ARHGAP15: variants seen among roughly 807,000 people sequenced by gnomAD.
ARHGAP15 encodes rho GTPase-activating protein 15.
ARHGAP15 carries 51 observed loss-of-function variants against 63.7 expected under a neutral mutation model. The ratio of observed to expected loss-of-function variants is 0.80; its 90% CI spans 0.64 to 1.01. The LOEUF (loss-of-function observed/expected upper bound fraction) is 1.01, where lower values mean the gene tolerates loss of function less well. Among genes scored for constraint, ARHGAP15 ranks in the 50% least tolerant of loss-of-function variants. The probability of loss-of-function intolerance (pLI) is 0.00; values close to 1 mark genes in which losing one functional copy is unlikely to be tolerated. For synonymous variants in ARHGAP15, 191 were observed against 193.8 expected (o/e 0.99, Z 0.12); for missense variants, 560 against 564.6 (o/e 0.99, Z 0.08).
chr2:143,374,113 A>G (rs1323353535), intron 6 of ARHGAP15, among the ~76,000 whole-genome samples: 1 of 152,228 alleles, frequency 6.6e-6, no homozygotes, highest in Non-Finnish European at 1.5e-5. Flanking sequence ...TTCTCAAAGA[A>G]TTGGCAAAGG....
At chr2:143,529,884 A>G (rs1457626428) in intron 10 of ARHGAP15, among the ~76,000 whole-genome samples, 1 of 152,114 alleles carries the variant, frequency 6.6e-6, no homozygotes, top group African/African-American at 2.4e-5. Context: ...CTGGAACTAC[A>G]ATGGCTTGTT....
chr2:143,365,269 A>G (rs1686247021), intron 6 of ARHGAP15, among the ~76,000 whole-genome samples: 1 of 152,100 alleles, frequency 6.6e-6, no homozygotes, highest in Non-Finnish European at 1.5e-5. Context: ...CTCCAGTCCT[A>G]AGGAGTAAAA....
chr2:143,148,594 A>G (rs542708104), intron 1 of ARHGAP15, among the ~76,000 whole-genome samples: 1 of 152,206 alleles, frequency 6.6e-6, no homozygotes, highest in African/African-American at 2.4e-5. Flanking sequence ...CAGACTTGTC[A>G]GACTTTGTCA....
At chr2:143,280,125 A>T (rs1313328935) in intron 6 of ARHGAP15, among the ~76,000 whole-genome samples, 2 of 152,214 alleles carry the variant, frequency 1.3e-5, no homozygotes, top group Non-Finnish European at 2.9e-5. Flanking sequence ...GCAAAAGCAT[A>T]GCTATATGAT....
chr2:143,229,821 A>G (rs1254305020), intron 5 of ARHGAP15, among the ~76,000 whole-genome samples: 1 of 152,256 alleles, frequency 6.6e-6, no homozygotes, highest in African/African-American at 2.4e-5. Context: ...TAGTAAGAAC[A>G]AAAGGTAGCA....
chr2:143,696,203 C>T (rs1683838307), intron 12 of ARHGAP15, among the ~76,000 whole-genome samples: 1 of 152,010 alleles, frequency 6.6e-6, no homozygotes, highest in Admixed American at 6.6e-5. Flanking sequence ...ACTTCACTGA[C>T]ACCTACATAA....
chr2:143,487,461 C>T lies in ARHGAP15; in HGVS notation c.792C>T (p.Ser264=), dbSNP rs1692378489. 6.2e-7 allele frequency: 1 copy of T among 1,612,988 alleles called. No homozygotes were observed. The highest frequency in any genetic ancestry group is 1.3e-5 in the African/African-American group (1 of 74,804). ...AGAAGTTTATTACCCGAAGACCTTC[C>T]CTGAAAACTCTGCAAGAAAAAGGAC... The part of the protein sequence containing the change: ...RLKKFITRRP[S]LKTLQEKGLI... The change falls in exon 9 of 14, where the codon TCC becomes TCT. Residue 264 remains serine, a synonymous_variant. Coordinates refer to ENST00000295095, the MANE Select transcript of ARHGAP15 (RefSeq NM_018460.4).
intron 9 of ARHGAP15, among the ~76,000 whole-genome samples, chr2:143,514,867 A>C (rs1175115266): frequency 1.3e-5 from 2 of 152,192 alleles, no homozygotes; most frequent in African/African-American, 4.8e-5. Flanking sequence ...GATGAGTAGA[A>C]ATCTGCAATG....
intron 8 of ARHGAP15, among the ~76,000 whole-genome samples, chr2:143,471,198 ATATATGT>A (rs1691545685): frequency 7.1e-6 from 1 of 141,832 alleles, no homozygotes; most frequent in Non-Finnish European, 1.6e-5. Flanking sequence ...ATATACACAC[ATATATGT>A]GTGTATATAT....
intron 2 of ARHGAP15, among the ~76,000 whole-genome samples, chr2:143,182,104 CA>C (rs1020162961): frequency 5.9e-5 from 9 of 151,964 alleles, no homozygotes; most frequent in African/African-American, 2.2e-4. Flanking sequence ...TCTGGGATTA[CA>C]GGTACTCAGC....
intron 2 of ARHGAP15, among the ~76,000 whole-genome samples, chr2:143,188,677 A>G (rs1479768921): frequency 1.3e-5 from 2 of 150,848 alleles, no homozygotes; most frequent in Non-Finnish European, 3.0e-5. Context: ...CTAGAGTGCA[A>G]TGGTATGATC....
chr2:143,335,274 C>A (rs1419860616), intron 6 of ARHGAP15, among the ~76,000 whole-genome samples: 1 of 152,166 alleles, frequency 6.6e-6, no homozygotes, highest in Admixed American at 6.5e-5. Context: ...TCACTTTCCT[C>A]CTTCAACTTT....
chr2:143,518,040 T>C (rs187128819), intron 9 of ARHGAP15, among the ~76,000 whole-genome samples: 1 of 152,200 alleles, frequency 6.6e-6, no homozygotes, highest in Admixed American at 6.5e-5. Flanking sequence ...AAATATTTGT[T>C]TCATTATCAG....
Position 143,215,258 on chromosome 2 carries a change from A to G in ARHGAP15, c.235-1126A>G, listed in dbSNP as rs1468577952. On this transcript the variant is annotated intron_variant, in intron 3 of 13. Coordinates refer to ENST00000295095, the MANE Select transcript of ARHGAP15 (RefSeq NM_018460.4). ...AAGACCCTCTAATAAAAAGACGTGC[A>G]CATTAAAATTTGGTTTTCTTCTTAT... 2.0e-5 allele frequency among the ~76,000 whole-genome samples: 3 copies of G among 151,190 alleles called. No individual in the cohort carries two copies. The East Asian group carries it at 5.8e-4, about 29-fold the overall frequency.
chr2:143,216,482 G>T (rs1262865232), intron 4 of ARHGAP15, 37 bp downstream of exon 4: 2 of 1,460,322 alleles, frequency 1.4e-6, no homozygotes, highest in East Asian at 2.3e-5. Flanking sequence ...ATATAACTAT[G>T]CTGGTTCTTC....
intron 10 of ARHGAP15, among the ~76,000 whole-genome samples, chr2:143,549,233 A>G (rs1170335046): frequency 6.6e-6 from 1 of 152,178 alleles, no homozygotes; most frequent in Non-Finnish European, 1.5e-5. Flanking sequence ...CTCACATTCA[A>G]GTTGGCAGTC....
chr2:143,494,425 A>G lies in ARHGAP15; in HGVS notation c.826+6930A>G, dbSNP rs1038371174. ...GTGTTGACCACTCTACTCCTATACA[A>G]TAGTGAGGATGGCACATAGAACTCA... On this transcript the variant is annotated intron_variant, in intron 9 of 13. Transcript: ENST00000295095. Among the ~76,000 whole-genome samples the G allele has an allele frequency of 3.9e-5, 6 of 152,210 alleles. 2 individuals are homozygous for G. Among genetic ancestry groups the G allele is most frequent in the Middle Eastern group, 6.3e-3 (2 of 316 alleles).
In ARHGAP15 at chr2:143,652,016, T is replaced by C. The variant is rs531027367; in HGVS notation, c.1138+27749T>C. ...CTCTGCATTTTTATCAGATGTCTGTTGTCCATGTAAGTAGAGGTTTATTTT... is the reference window on the plus strand; with the variant it reads ...CTCTGCATTTTTATCAGATGTCTGTCGTCCATGTAAGTAGAGGTTTATTTT... On this transcript the variant is annotated intron_variant, in intron 12 of 13. Coordinates refer to ENST00000295095, the MANE Select transcript of ARHGAP15 (RefSeq NM_018460.4). Among the ~76,000 whole-genome samples the C allele has an allele frequency of 6.6e-5, 10 of 152,154 alleles. No individual in the cohort carries two copies. The East Asian group carries it at 1.9e-3, about 29-fold the overall frequency.
chr2:143,747,713 TATTTC>T (rs1686223553), intron 13 of ARHGAP15, among the ~76,000 whole-genome samples: 1 of 152,222 alleles, frequency 6.6e-6, no homozygotes, highest in Non-Finnish European at 1.5e-5. Flanking sequence ...TTTGATAGCT[TATTTC>T]TTTTTATTGC....
Sources: gnomAD v4.1 joint callset for allele counts (sites outside exome capture counted in the v4.1 genomes callset) on GRCh38, gnomAD v4.1.1 for gene constraint, MANE v1.5 for transcripts, NCBI Gene and HGNC (gene_info 2026-07-23, HGNC 2026-07-21) for gene names.